The following ADAMTSL1 variants were observed in gnomAD, a reference collection of about 807,000 sequenced individuals.
ADAMTSL1 encodes ADAMTS like 1.
Under a neutral mutation model 201.8 loss-of-function variants are expected in ADAMTSL1, and 126 were observed. The ratio of observed to expected loss-of-function variants is 0.62; its 90% CI spans 0.54 to 0.72. The LOEUF is 0.72. Among genes scored for constraint, ADAMTSL1 ranks in the 30% least tolerant of loss-of-function variants. The pLI, the probability that ADAMTSL1 is intolerant of heterozygous loss-of-function variation, is 0.00. For missense variants in ADAMTSL1, 2,679 were observed against 2,277.8 expected (o/e 1.18, Z -3.59); for synonymous variants, 1,121 against 903.4 (o/e 1.24, Z -4.32).
chr9:18,010,089 G>T (rs1040147960), intron 1 of ADAMTSL1, among the ~76,000 whole-genome samples: 1 of 151,934 alleles, frequency 6.6e-6, no homozygotes, highest in African/African-American at 2.4e-5. Context: ...TTACCCATGG[G>T]GGCAGTCTAG....
At chr9:18,829,728 T>G (rs1410365091) in intron 22 of ADAMTSL1, 115 bp from the exon 23 acceptor site, 1 of 1,370,700 alleles carries the variant, frequency 7.3e-7, no homozygotes, top group Non-Finnish European at 1.0e-6. Context: ...ACAATAGTAA[T>G]GCCTATCTTA....
chr9:18,733,005 A>G (rs1818301115), intron 15 of ADAMTSL1, among the ~76,000 whole-genome samples: 1 of 152,218 alleles, frequency 6.6e-6, no homozygotes, highest in African/African-American at 2.4e-5. Context: ...GATATCTTGT[A>G]ACTAGCCAGT....
intron 2 of ADAMTSL1, among the ~76,000 whole-genome samples, chr9:18,318,117 C>T (rs937214015): frequency 1.3e-5 from 2 of 152,192 alleles, no homozygotes; most frequent in African/African-American, 2.4e-5. Context: ...AAGCATGTCT[C>T]ATGATGCAAA....
chr9:18,135,931 C>T (rs1195207412), intron 1 of ADAMTSL1, among the ~76,000 whole-genome samples: 1 of 152,124 alleles, frequency 6.6e-6, no homozygotes, highest in African/African-American at 2.4e-5. Flanking sequence ...CACAAACAGT[C>T]CTCTGAGAAA....
chr9:18,240,339 A>AT (rs1273652923), intron 2 of ADAMTSL1, among the ~76,000 whole-genome samples: 1 of 114,770 alleles, frequency 8.7e-6, no homozygotes, highest in East Asian at 2.1e-4. Context: ...TTTAAAATGA[A>AT]TCTTTTTTTT....
At chr9:18,275,698 T>G (rs1363818517) in intron 2 of ADAMTSL1, among the ~76,000 whole-genome samples, 1 of 152,194 alleles carries the variant, frequency 6.6e-6, no homozygotes, top group Non-Finnish European at 1.5e-5. Flanking sequence ...AGTCTATTCC[T>G]TCGTATTGCT....
chr9:18,222,734 G>A (rs767119837), intron 2 of ADAMTSL1, among the ~76,000 whole-genome samples: 4 of 147,332 alleles, frequency 2.7e-5, no homozygotes, highest in East Asian at 2.0e-4. Context: ...TAGTTTAGAA[G>A]TTTGTTTATT....
At chr9:18,408,298 G>C (rs1818288137) in intron 2 of ADAMTSL1, among the ~76,000 whole-genome samples, 1 of 152,044 alleles carries the variant, frequency 6.6e-6, no homozygotes, top group South Asian at 2.1e-4. Flanking sequence ...GTGAAACACT[G>C]TCTCTACTAA....
intron 1 of ADAMTSL1, among the ~76,000 whole-genome samples, chr9:18,053,140 T>G (rs1822010050): frequency 6.6e-6 from 1 of 152,192 alleles, no homozygotes; most frequent in Non-Finnish European, 1.5e-5. Context: ...ATGAGATCTT[T>G]GAGCTTGAGA....
At chr9:17,974,168 C>G (rs979552049) in intron 1 of ADAMTSL1, among the ~76,000 whole-genome samples, 4 of 152,000 alleles carry the variant, frequency 2.6e-5, no homozygotes, top group African/African-American at 9.7e-5. Context: ...TGGAAGCATT[C>G]ACTTTGAAAA....
At chr9:18,301,761 A>G (rs2132732128) in intron 2 of ADAMTSL1, among the ~76,000 whole-genome samples, 1 of 152,376 alleles carries the variant, frequency 6.6e-6, no homozygotes, top group South Asian at 2.1e-4. Flanking sequence ...AAGAAATTAG[A>G]AAATGTACTA....
At chr9:18,459,687 T>C (rs895254398) in intron 2 of ADAMTSL1, among the ~76,000 whole-genome samples, 2 of 152,160 alleles carry the variant, frequency 1.3e-5, no homozygotes, top group African/African-American at 2.4e-5. Context: ...TTACAAAAAT[T>C]GATTCTCAAA....
chr9:18,720,708 G>A (rs112218589), intron 14 of ADAMTSL1, among the ~76,000 whole-genome samples: 2,322 of 152,212 alleles, frequency 0.015, 18 homozygotes, highest in Middle Eastern at 0.031. Context: ...GCTTGAACCC[G>A]GAAGGCAGAG....
chr9:18,818,940 C>T (rs1824031528), intron 21 of ADAMTSL1, among the ~76,000 whole-genome samples: 1 of 152,138 alleles, frequency 6.6e-6, no homozygotes, highest in African/African-American at 2.4e-5. Context: ...CCCCTGTACT[C>T]CTAGATAGGG....
At chr9:18,859,774 C>T (rs1320520188) in intron 23 of ADAMTSL1, among the ~76,000 whole-genome samples, 2 of 152,098 alleles carry the variant, frequency 1.3e-5, no homozygotes, top group African/African-American at 4.8e-5. Context: ...AAATTGGAAA[C>T]ATGTAATTAT....
At position 18,463,534 on chromosome 9, in the gene ADAMTSL1, G is replaced by A. The variant is rs181356380; in HGVS notation, c.208-41295G>A. On this transcript the variant is annotated intron_variant, in intron 2 of 29. Transcript: ENST00000680146. ...GCTAAAACCCCATACCCCGTTAAAC[G>A]TTAATTCCCCATTCCCCCTTCCCTC... Among the ~76,000 whole-genome samples, 65 of 152,002 alleles carry A rather than the reference G, an allele frequency of 4.3e-4. 1 individual carries two copies. In the South Asian group the frequency reaches 5.0e-3, roughly 12 times the overall value.
At chr9:18,014,069 A>G (rs1467655005) in intron 1 of ADAMTSL1, among the ~76,000 whole-genome samples, 1 of 152,014 alleles carries the variant, frequency 6.6e-6, no homozygotes, top group Non-Finnish European at 1.5e-5. Context: ...GCAATACTGC[A>G]TAGCAGATTA....
intron 4 of ADAMTSL1, among the ~76,000 whole-genome samples, chr9:18,597,432 A>G (rs1486680706): frequency 1.3e-5 from 2 of 152,204 alleles, no homozygotes; most frequent in Non-Finnish European, 2.9e-5. Context: ...TATGCTTATC[A>G]AGTTGTTGAC....
At chr9:18,683,425 G>T (rs185711640) in intron 12 of ADAMTSL1, among the ~76,000 whole-genome samples, 52 of 151,816 alleles carry the variant, frequency 3.4e-4, no homozygotes, top group African/African-American at 1.2e-3. Context: ...TAGAGACGGG[G>T]TTTCACCTTG....
Sources: gnomAD v4.1 joint callset for allele counts (sites outside exome capture counted in the v4.1 genomes callset) on GRCh38, gnomAD v4.1.1 for gene constraint, MANE v1.5 for transcripts, NCBI Gene and HGNC (gene_info 2026-07-23, HGNC 2026-07-21) for gene names.